RTL4: variants seen among roughly 807,000 people sequenced by gnomAD.
RTL4 encodes retrotransposon Gag-like protein 4.
In RTL4, 4 loss-of-function variants were observed where a neutral mutation model predicts 5.3. That is an observed-to-expected ratio of 0.75 (90% CI 0.37 to 1.72). The LOEUF is 1.72. RTL4 is among the 40% of genes most tolerant of loss of function. The pLI is 0.04. For synonymous variants in RTL4, 98 were observed against 87.3 expected (o/e 1.12, Z -0.68); for missense variants, 260 against 227.1 (o/e 1.14, Z -0.93).
chrX:112,212,679 A>G, the RTL4 span, among the ~76,000 whole-genome samples: 1 of 112,470 alleles, frequency 8.9e-6, no homozygotes, highest in Non-Finnish European at 1.9e-5. Context: ...GAGGGTTGCT[A>G]ATGGCAAAGT....
the RTL4 span, among the ~76,000 whole-genome samples, chrX:112,156,770 C>A: frequency 2.7e-5 from 3 of 111,434 alleles, no homozygotes; most frequent in Non-Finnish European, 5.6e-5. Context: ...GAAGCAGACA[C>A]AGCCTAGCGA....
chrX:112,122,138 T>C, the RTL4 span, among the ~76,000 whole-genome samples: 4 of 111,654 alleles, frequency 3.6e-5, no homozygotes, highest in Non-Finnish European at 7.5e-5. Context: ...CTCCCATGTG[T>C]TTTGCAGCAC....
chrX:112,390,232 C>A, the RTL4 span, among the ~76,000 whole-genome samples: 67 of 88,731 alleles, frequency 7.6e-4, no homozygotes, highest in Non-Finnish European at 4.4e-4. Context: ...GGAAGTGGAT[C>A]TCTTGAGGCC....
At chrX:112,239,357 G>C in the RTL4 span, among the ~76,000 whole-genome samples, 1 of 111,041 alleles carries the variant, frequency 9.0e-6, no homozygotes, top group Non-Finnish European at 1.9e-5. Context: ...GATGGAGCTA[G>C]CAGGCATTTC....
At chrX:112,296,524 T>C in the RTL4 span, among the ~76,000 whole-genome samples, 205 of 111,219 alleles carry the variant, frequency 1.8e-3, 1 homozygote, top group African/African-American at 5.5e-3. Context: ...CAGTATGACC[T>C]CAGAGAATAA....
At chrX:112,441,200 A>C in the RTL4 span, among the ~76,000 whole-genome samples, 16 of 110,770 alleles carry the variant, frequency 1.4e-4, no homozygotes, top group African/African-American at 5.3e-4. Flanking sequence ...TTTAATGAAG[A>C]AACTCATTCT....
the RTL4 span, among the ~76,000 whole-genome samples, chrX:112,194,632 C>G: frequency 4.5e-5 from 5 of 111,887 alleles, no homozygotes; most frequent in Admixed American, 1.9e-4. Context: ...TGACTCTGAC[C>G]TTAACCTGAA....
the RTL4 span, among the ~76,000 whole-genome samples, chrX:112,406,561 C>G: frequency 9.0e-6 from 1 of 111,384 alleles, no homozygotes; most frequent in Non-Finnish European, 1.9e-5. Flanking sequence ...CCATGCCCCC[C>G]CTCCAACACT....
chrX:112,301,093 C>T, the RTL4 span, among the ~76,000 whole-genome samples: 2 of 111,399 alleles, frequency 1.8e-5, no homozygotes. Flanking sequence ...AGAGGCCAAG[C>T]TGAGGAGAGT....
the RTL4 span, among the ~76,000 whole-genome samples, chrX:112,184,134 T>C: frequency 7.3e-5 from 7 of 95,707 alleles, no homozygotes; most frequent in African/African-American, 2.8e-4. Flanking sequence ...TTCTCACTCA[T>C]AGGTAGGAAT....
At chrX:112,228,779 C>G in the RTL4 span, among the ~76,000 whole-genome samples, 1 of 111,872 alleles carries the variant, frequency 8.9e-6, no homozygotes, top group African/African-American at 3.3e-5. Flanking sequence ...TGAGATCATA[C>G]ATTTTTTGTC....
the RTL4 span, among the ~76,000 whole-genome samples, chrX:112,433,213 G>A: frequency 5.1e-3 from 570 of 110,838 alleles, 3 homozygotes; most frequent in African/African-American, 0.016. Flanking sequence ...TTGGCGATGC[G>A]GGCTGTTTTT....
chrX:112,265,292 G>C, the RTL4 span, among the ~76,000 whole-genome samples: 1 of 112,565 alleles, frequency 8.9e-6, no homozygotes. Context: ...GATCCAGTTT[G>C]GATGAGAGTC....
the RTL4 span, among the ~76,000 whole-genome samples, chrX:112,435,117 C>T: frequency 3.6e-5 from 4 of 111,363 alleles, no homozygotes; most frequent in African/African-American, 1.3e-4. Context: ...TTACCTCCAC[C>T]TGGTCCCATC....
At chrX:112,101,869 G>A in the RTL4 span, among the ~76,000 whole-genome samples, 1 of 110,513 alleles carries the variant, frequency 9.0e-6, no homozygotes, top group Non-Finnish European at 1.9e-5. Flanking sequence ...ATGTGAAAAT[G>A]GAGCTAAAGA....
At chrX:112,405,324 T>A in the RTL4 span, among the ~76,000 whole-genome samples, 1 of 111,898 alleles carries the variant, frequency 8.9e-6, no homozygotes, top group South Asian at 3.8e-4. Context: ...GAAAAAAGCA[T>A]CACTTACTTT....
the RTL4 span, among the ~76,000 whole-genome samples, chrX:112,330,484 T>C: frequency 1.3e-3 from 146 of 110,281 alleles, no homozygotes; most frequent in African/African-American, 4.7e-3. Context: ...GAACTACAAA[T>C]CACTGCTCAA....
At chrX:112,226,626 C>T in the RTL4 span, among the ~76,000 whole-genome samples, 2 of 110,426 alleles carry the variant, frequency 1.8e-5, no homozygotes, top group Non-Finnish European at 3.8e-5. Context: ...AAGAGCAATG[C>T]TGCAGGATCA....
chrX:112,215,882 TCCATGGTGGCTGCA>T, the RTL4 span, among the ~76,000 whole-genome samples: 1 of 111,714 alleles, frequency 9.0e-6, no homozygotes, highest in Non-Finnish European at 1.9e-5. Context: ...CATACTGTTT[TCCATGGTGGCTGCA>T]CCATTTTACA....
Sources: gnomAD v4.1 joint callset for allele counts (sites outside exome capture counted in the v4.1 genomes callset) on GRCh38, gnomAD v4.1.1 for gene constraint, MANE v1.5 for transcripts, NCBI Gene and HGNC (gene_info 2026-07-23, HGNC 2026-07-21) for gene names.